Variants in AK8 observed in about 807,000 individuals in gnomAD.
The protein encoded by AK8 is adenylate kinase 8, also known as ATP-AMP transphosphorylase 8.
Under a neutral mutation model 54.6 loss-of-function variants are expected in AK8, and 44 were observed. The ratio of observed to expected loss-of-function variants is 0.81; its 90% CI spans 0.63 to 1.04. The LOEUF (loss-of-function observed/expected upper bound fraction) is 1.04, where lower values mean the gene tolerates loss of function less well. Among genes scored for constraint, AK8 ranks in the 50% least tolerant of loss-of-function variants. The pLI is 0.00. For missense variants in AK8, 555 were observed against 613.6 expected, an observed-to-expected ratio of 0.90 and a Z score of 1.01; for synonymous variants, 239 against 245.6, an observed-to-expected ratio of 0.97 and a Z score of 0.25.
In AK8 at chr9:132,834,008, C is replaced by T. The variant is rs1842216466; in HGVS notation, c.403-5282G>A. ...CCAGTCCTGCCTCTGATCTGGCTCGCAGCTCCGACTGCAGACTCCACCGGA... is the reference window on the plus strand; with the variant it reads ...CCAGTCCTGCCTCTGATCTGGCTCGTAGCTCCGACTGCAGACTCCACCGGA... On this transcript the variant is annotated intron_variant, in intron 5 of 12. Coordinates refer to ENST00000298545, the MANE Select transcript of AK8 (RefSeq NM_152572.3). 2.6e-5 allele frequency among the ~76,000 whole-genome samples: 4 copies of T among 152,260 alleles called. 1 individual carries two copies. The highest frequency in any genetic ancestry group is 2.6e-4 in the Admixed American group (4 of 15,290).
intron 11 of AK8, among the ~76,000 whole-genome samples, chr9:132,751,607 G>A (rs1837930520): frequency 6.6e-6 from 1 of 151,290 alleles, no homozygotes; most frequent in Non-Finnish European, 1.5e-5. Flanking sequence ...TTCCAGCCGA[G>A]AAGCCTGTGA....
intron 11 of AK8, among the ~76,000 whole-genome samples, chr9:132,789,789 C>T (rs1334843936): frequency 1.3e-5 from 2 of 152,006 alleles, no homozygotes; most frequent in East Asian, 1.9e-4. Flanking sequence ...ACATTTTCCA[C>T]GGCCCCCATC....
At chr9:132,820,671 A>G (rs1841550401) in intron 9 of AK8, among the ~76,000 whole-genome samples, 1 of 152,114 alleles carries the variant, frequency 6.6e-6, no homozygotes, top group Admixed American at 6.5e-5. Context: ...GTCCGTATAT[A>G]CTCCCATCAT....
chr9:132,784,245 C>G (rs939626506), intron 11 of AK8, among the ~76,000 whole-genome samples: 2 of 151,560 alleles, frequency 1.3e-5, no homozygotes, highest in Non-Finnish European at 2.9e-5. Flanking sequence ...ATAGGCCGGG[C>G]GCAGTGGCTC....
chr9:132,727,275 CA>C (rs1446115538), intron 12 of AK8, among the ~76,000 whole-genome samples, 178 bp downstream of exon 12: 3 of 152,268 alleles, frequency 2.0e-5, no homozygotes, highest in Non-Finnish European at 4.4e-5. Flanking sequence ...TTCTTCCAGG[CA>C]AAGACGGTCA....
intron 11 of AK8, among the ~76,000 whole-genome samples, chr9:132,739,821 C>T (rs1486231128): frequency 1.3e-5 from 2 of 152,258 alleles, no homozygotes; most frequent in African/African-American, 4.8e-5. Context: ...AGCAACAGCC[C>T]TGCCTTCTAT....
In AK8 at chr9:132,850,218, T is replaced by TG. The variant is rs1329390101; in HGVS notation, c.402+4638_402+4639insC. ...ACAGGCACCCACCACCATGCCCAGCTAATTTTTTTTTTTTTTTTTGAGACA... is the reference window on the plus strand; with the variant it reads ...ACAGGCACCCACCACCATGCCCAGCTGAATTTTTTTTTTTTTTTTTGAGACA... On this transcript the variant is annotated intron_variant, in intron 5 of 12. Transcript: ENST00000298545. 9.6e-5 allele frequency among the ~76,000 whole-genome samples: 10 copies of TG among 103,994 alleles called. No individual in the cohort carries two copies. In the Admixed American group the frequency reaches 1.0e-3, roughly 10 times the overall value. The allele number at this position is 103,994 out of a possible 152,430, so 68.2% of individuals were successfully genotyped here.
chr9:132,729,104 G>A (rs977168966), intron 11 of AK8, among the ~76,000 whole-genome samples: 1 of 151,978 alleles, frequency 6.6e-6, no homozygotes, highest in African/African-American at 2.4e-5. Flanking sequence ...CAGCTGTTCT[G>A]GAACTCCTGG....
intron 10 of AK8, among the ~76,000 whole-genome samples, chr9:132,797,352 C>G (rs1840222497): frequency 6.6e-6 from 1 of 152,120 alleles, no homozygotes; most frequent in Admixed American, 6.5e-5. Context: ...TTCCAAAACC[C>G]AGGAAGTTCT....
chr9:132,744,018 C>A (rs1350282954), intron 11 of AK8, among the ~76,000 whole-genome samples: 1 of 152,208 alleles, frequency 6.6e-6, no homozygotes, highest in Non-Finnish European at 1.5e-5. Context: ...TGCCGGAACT[C>A]AAGCCAGCTA....
intron 5 of AK8, among the ~76,000 whole-genome samples, chr9:132,852,749 AAC>A (rs1843014142): frequency 6.9e-6 from 1 of 145,056 alleles, no homozygotes; most frequent in African/African-American, 2.6e-5. Context: ...TGGCCTGGGC[AAC>A]AGAGTGAGAT....
At chr9:132,752,406 C>T (rs1044908472) in intron 11 of AK8, among the ~76,000 whole-genome samples, 1 of 151,922 alleles carries the variant, frequency 6.6e-6, no homozygotes, top group Non-Finnish European at 1.5e-5. Flanking sequence ...CCCGCCACCA[C>T]GCCTGGCTAA....
intron 4 of AK8, among the ~76,000 whole-genome samples, chr9:132,858,463 G>A (rs1843261896): frequency 6.6e-6 from 1 of 152,242 alleles, no homozygotes; most frequent in South Asian, 2.1e-4. Flanking sequence ...TAATGTCCCT[G>A]TGTCAACATG....
At chr9:132,827,723 G>C (rs988124713) in intron 7 of AK8, 1 of 432,104 alleles carries the variant, frequency 2.3e-6, no homozygotes, top group Admixed American at 3.9e-5. Context: ...ATGTCCCCTG[G>C]CTCCTGTGTG....
intron 10 of AK8, among the ~76,000 whole-genome samples, chr9:132,793,699 G>A (rs1027190491): frequency 1.4e-4 from 22 of 152,314 alleles, no homozygotes; most frequent in Admixed American, 1.2e-3. Flanking sequence ...AAATTCATAC[G>A]TCTCTTCCCA....
intron 11 of AK8, among the ~76,000 whole-genome samples, chr9:132,766,367 G>C (rs1323999887): frequency 6.6e-6 from 1 of 152,144 alleles, no homozygotes; most frequent in African/African-American, 2.4e-5. Flanking sequence ...TCCTGCCTTG[G>C]CCTCCCAAAA....
rs1419520796 is a variant in AK8, at chr9:132,799,149, G to A, written c.980-6374C>T. 6.6e-6 allele frequency among the ~76,000 whole-genome samples: 1 copy of A among 152,130 alleles called. No individual in the cohort carries two copies. The highest frequency in any genetic ancestry group is 1.5e-5 in the Non-Finnish European group (1 of 68,022). On this transcript the variant is annotated intron_variant, in intron 10 of 12. Coordinates refer to ENST00000298545, the MANE Select transcript of AK8 (RefSeq NM_152572.3). The surrounding 1 kb of genome is among the most constrained non-coding windows in gnomAD (Gnocchi z 5.0). ...TGCGGTTTTCCAGCAGGCACCAGAG[G>A]CCCCTCCTGCTGCGCCACGCCGCCG... is the stretch of plus-strand genomic sequence containing the variant.
At chr9:132,753,638 G>C (rs913200324) in intron 11 of AK8, among the ~76,000 whole-genome samples, 1 of 152,240 alleles carries the variant, frequency 6.6e-6, no homozygotes, top group African/African-American at 2.4e-5. Context: ...TTGCTGGAGG[G>C]TATGGGTCAT....
intron 11 of AK8, among the ~76,000 whole-genome samples, chr9:132,751,229 C>T (rs1023815627): frequency 6.6e-6 from 1 of 151,310 alleles, no homozygotes; most frequent in Non-Finnish European, 1.5e-5. Context: ...ACTAAAAATA[C>T]AAAAATTAGC....
Sources: allele counts gnomAD v4.1 joint callset (sites outside exome capture counted in the v4.1 genomes callset), GRCh38; gene constraint gnomAD v4.1.1; non-coding constraint Gnocchi (gnomAD v3.1); transcripts MANE v1.5; gene names NCBI Gene and HGNC (gene_info 2026-07-23, HGNC 2026-07-21).